The following GSN variants were observed in gnomAD, a reference collection of about 807,000 sequenced individuals.
The protein encoded by GSN is gelsolin.
GSN carries 56 observed loss-of-function variants against 85.7 expected under a neutral mutation model. The observed-to-expected ratio is 0.65, with a 90% CI of 0.53 to 0.82. The LOEUF (loss-of-function observed/expected upper bound fraction) is 0.82, where lower values mean the gene tolerates loss of function less well. Among genes scored for constraint, GSN ranks in the 40% least tolerant of loss-of-function variants. The probability of loss-of-function intolerance (pLI) is 0.00; values close to 1 mark genes in which losing one functional copy is unlikely to be tolerated. For synonymous variants in GSN, 373 were observed against 399.1 expected, an observed-to-expected ratio of 0.93 and a Z score of 0.78; for missense variants, 857 against 979.8, an observed-to-expected ratio of 0.87 and a Z score of 1.67.
chr9:121,211,654 C>T (rs1317261471), intron 4 of GSN, among the ~76,000 whole-genome samples: 1 of 152,072 alleles, frequency 6.6e-6, no homozygotes, highest in African/African-American at 2.4e-5. Context: ...GGGTAGCTTC[C>T]CCTCTCTGGG....
Position 121,327,535 on chromosome 9 carries a change from C to T in GSN, c.1762+53C>T. The stretch of plus-strand genomic sequence containing the variant: ...CTGTCCGGATGCAGCTATTAAGTTT[C>T]CCCCTTCTTTCCTTCAGCTTGGGGG... On this transcript the variant is annotated intron_variant, in intron 14 of 17. Coordinates refer to ENST00000432226, the MANE Select transcript of GSN (RefSeq NM_198252.3). The T allele has an allele frequency of 7.6e-6, 11 of 1,441,638 alleles. 1 individual carries two copies. The South Asian group carries it at 1.3e-4, about 17-fold the overall frequency. The allele number at this position is 1,441,638 out of a possible 1,614,324, so 89.3% of individuals were successfully genotyped here.
At chr9:121,217,865 C>T (rs1430667548) in intron 4 of GSN, among the ~76,000 whole-genome samples, 2 of 149,474 alleles carry the variant, frequency 1.3e-5, no homozygotes, top group Non-Finnish European at 3.0e-5. Context: ...GCCCTCCTTT[C>T]TCTGCTCTTT....
chr9:121,317,373 A>G, intron 8 of GSN, 155 bp downstream of exon 8: 1 of 820,794 alleles, frequency 1.2e-6, no homozygotes, highest in Non-Finnish European at 2.1e-6. Context: ...TGCATTTGAC[A>G]TACTGTGTGA....
rs372660482 is a variant in GSN, at chr9:121,332,422, G to A, written c.2027-12G>A. On this transcript the variant is annotated splice_polypyrimidine_tract_variant and intron_variant, in intron 17 of 17. Coordinates refer to ENST00000432226, the MANE Select transcript of GSN (RefSeq NM_198252.3). The surrounding 1 kb of genome is among the most constrained non-coding windows in gnomAD (Gnocchi z 4.8). ...TTCCTGGGGTTTCCTTTTCTTGCAC[G>A]TGTGTCTGCAGCTAAGCGGTACATC... 15 of 1,613,410 alleles carry A rather than the reference G, an allele frequency of 9.3e-6. No homozygotes were observed. The highest frequency in any genetic ancestry group is 1.7e-4 in the Middle Eastern group (1 of 6,060).
chr9:121,295,513 G>A (rs976623830), intron 2 of GSN, among the ~76,000 whole-genome samples: 8 of 152,252 alleles, frequency 5.3e-5, no homozygotes, highest in African/African-American at 1.9e-4. Flanking sequence ...AAAGAACAGG[G>A]TGGTGTCTTC....
chr9:121,223,656 A>ATATTAT (rs565833007), intron 4 of GSN, among the ~76,000 whole-genome samples: 1 of 151,594 alleles, frequency 6.6e-6, no homozygotes, highest in Non-Finnish European at 1.5e-5. Context: ...CTTTATAAGT[A>ATATTAT]TATTATTATT....
intron 5 of GSN, among the ~76,000 whole-genome samples, chr9:121,245,349 T>TTTTC (rs142621832): frequency 1.4e-4 from 21 of 151,786 alleles, no homozygotes; most frequent in African/African-American, 2.9e-4. Context: ...GCATTATACC[T>TTTTC]TTTCTTTCTT....
In GSN at chr9:121,302,899, G is replaced by C; in HGVS notation, c.197-12G>C. 1.2e-6 allele frequency: 2 copies of C among 1,613,270 alleles called. No individual in the cohort carries two copies. The highest frequency in any genetic ancestry group is 1.1e-5 in the South Asian group (1 of 91,054). ...TGGAAAGCCAGGCTCATATTGCTCT[G>C]ATGTCCCGTAGGCAATGAGTGCAGC... On this transcript the variant is annotated splice_polypyrimidine_tract_variant and intron_variant, in intron 3 of 17. Transcript: ENST00000432226.
At chr9:121,313,646 A>T in intron 6 of GSN, 1 of 491,956 alleles carries the variant, frequency 2.0e-6, no homozygotes, top group Non-Finnish European at 3.7e-6. Context: ...TTCAGTAGCT[A>T]TAGTTATCAC....
chr9:121,330,278 ATAAG>A (rs1321679424), intron 16 of GSN, among the ~76,000 whole-genome samples: 2 of 152,216 alleles, frequency 1.3e-5, no homozygotes, highest in East Asian at 3.8e-4. Flanking sequence ...ACATTTATAA[ATAAG>A]TAAGAGAGGG....
intron 5 of GSN, chr9:121,238,972 T>C: frequency 1.9e-6 from 1 of 530,648 alleles, no homozygotes; most frequent in South Asian, 1.4e-5. Flanking sequence ...AGGCAGCACA[T>C]TGATAGGTGG....
At chr9:121,296,136 T>C (rs889222733) in intron 2 of GSN, among the ~76,000 whole-genome samples, 2 of 152,182 alleles carry the variant, frequency 1.3e-5, no homozygotes, top group African/African-American at 2.4e-5. Context: ...TGGGCTTGAT[T>C]GATTTAGCCT....
intron 4 of GSN, chr9:121,308,801 A>T (rs148960719): frequency 2.0e-5 from 3 of 152,252 alleles, no homozygotes; most frequent in Non-Finnish European, 4.4e-5. Context: ...CGATGCAGCA[A>T]TGACACCTCC....
intron 4 of GSN, among the ~76,000 whole-genome samples, chr9:121,224,399 T>G (rs1284091660): frequency 6.6e-6 from 1 of 152,124 alleles, no homozygotes; most frequent in African/African-American, 2.4e-5. Context: ...GCGCCCGGTC[T>G]ATACATTTAT....
chr9:121,224,874 A>G (rs2132126067), intron 4 of GSN, among the ~76,000 whole-genome samples: 1 of 152,314 alleles, frequency 6.6e-6, no homozygotes, highest in African/African-American at 2.4e-5. Flanking sequence ...GCTGGAGTGC[A>G]GCAGCACAAT....
upstream of GSN, among the ~76,000 whole-genome samples, chr9:121,206,048 C>A (rs1326422226): frequency 6.6e-6 from 1 of 151,940 alleles, no homozygotes; most frequent in Admixed American, 6.6e-5. Context: ...CCGAGCCACA[C>A]TCAGACTTTA....
intron 6 of GSN, among the ~76,000 whole-genome samples, chr9:121,257,944 T>C (rs2055001306): frequency 6.6e-6 from 1 of 151,956 alleles, no homozygotes; most frequent in Non-Finnish European, 1.5e-5. Flanking sequence ...TCAGAAAAAG[T>C]ATAAAGAACA....
upstream of GSN, among the ~76,000 whole-genome samples, chr9:121,263,111 G>A (rs569176977): frequency 6.6e-6 from 1 of 152,188 alleles, no homozygotes; most frequent in Non-Finnish European, 1.5e-5. Context: ...TTGAGCAGTG[G>A]TGTGCTGGTA....
intron 5 of GSN, among the ~76,000 whole-genome samples, chr9:121,238,501 AC>A (rs2132184019): frequency 6.6e-6 from 1 of 152,240 alleles, no homozygotes; most frequent in East Asian, 1.9e-4. Flanking sequence ...CAGCTTCCTT[AC>A]TTTTGAGGTT....
Sources: allele counts gnomAD v4.1 joint callset (sites outside exome capture counted in the v4.1 genomes callset), GRCh38; gene constraint gnomAD v4.1.1; non-coding constraint Gnocchi (gnomAD v3.1); transcripts MANE v1.5; gene names NCBI Gene and HGNC (gene_info 2026-07-23, HGNC 2026-07-21).